Variants in RELCH observed in about 807,000 individuals in gnomAD.
RELCH encodes the protein RAB11 binding and LisH domain, coiled-coil and HEAT repeat containing, also known as RAB11-binding protein RELCH.
Under a neutral mutation model 150.3 loss-of-function variants are expected in RELCH, and 41 were observed. The observed-to-expected ratio is 0.27, with a 90% CI of 0.21 to 0.35. RELCH has a LOEUF of 0.35. Among genes scored for constraint, RELCH ranks in the 10% least tolerant of loss-of-function variants. RELCH has a pLI of 1.00. For missense variants in RELCH, 1,092 were observed against 1,467.8 expected, an observed-to-expected ratio of 0.74 and a Z score of 4.18; for synonymous variants, 478 against 531.8, an observed-to-expected ratio of 0.90 and a Z score of 1.39.
intron 11 of RELCH, chr18:62,245,839 T>C (rs1461945619): frequency 6.6e-6 from 1 of 152,156 alleles, no homozygotes; most frequent in East Asian, 1.9e-4. Context: ...CATCTACTAG[T>C]AATTGATGAT....
intron 27 of RELCH, among the ~76,000 whole-genome samples, chr18:62,296,528 G>A (rs1393229642): frequency 7.9e-5 from 12 of 152,106 alleles, no homozygotes; most frequent in Admixed American, 7.9e-4. Flanking sequence ...GGAGGTTGCA[G>A]TGAGCCAAGA....
At chr18:62,277,716 A>C (rs2044288149) in intron 22 of RELCH, 1 of 952,482 alleles carries the variant, frequency 1.0e-6, no homozygotes, top group Non-Finnish European at 1.3e-6. Context: ...GGACAAAAAG[A>C]GGGAACCCAA....
chr18:62,259,747 A>G (rs993236070), intron 15 of RELCH, among the ~76,000 whole-genome samples: 4 of 151,958 alleles, frequency 2.6e-5, no homozygotes, highest in Non-Finnish European at 5.9e-5. Context: ...ACTTCAAAGC[A>G]GTAGTAACCA....
intron 12 of RELCH, 122 bp from the exon 13 acceptor site, chr18:62,255,285 G>A: frequency 1.4e-6 from 1 of 734,432 alleles, no homozygotes; most frequent in Non-Finnish European, 2.4e-6. Flanking sequence ...GGGATTCCCA[G>A]AAGTGGAAAA....
chr18:62,295,094 T>TGA (rs2045339508), intron 27 of RELCH, among the ~76,000 whole-genome samples: 1 of 152,230 alleles, frequency 6.6e-6, no homozygotes, highest in Non-Finnish European at 1.5e-5. Flanking sequence ...TGACTGTTCA[T>TGA]GACCCTTACC....
rs2040851877 is a variant in RELCH, at chr18:62,221,242, C to T, written c.712C>T (p.Arg238Ter). The change falls in exon 4 of 29, where the codon CGA becomes TGA. Residue 238 changes from arginine to a stop codon, truncating the protein, a stop_gained. Transcript: ENST00000644646. LOFTEE classifies it high-confidence loss of function. Reference sequence around the variant, plus strand: ...AGAACATGAAGTTCCTTTACAGGAACGAAAAAATTACAAATCAAGTCCTGA... The same window carrying T: ...AGAACATGAAGTTCCTTTACAGGAATGAAAAAATTACAAATCAAGTCCTGA... Reference protein sequence around the residue: ...AAEHEVPLQERKNYKSSPEIQ... With the variant: ...AAEHEVPLQE The T allele has an allele frequency of 1.9e-6, 3 of 1,610,608 alleles. No homozygotes were observed. The highest frequency in any genetic ancestry group is 2.5e-6 in the Non-Finnish European group (3 of 1,177,764).
At chr18:62,265,681 G>C (rs2144738402) in intron 18 of RELCH, among the ~76,000 whole-genome samples, 1 of 152,022 alleles carries the variant, frequency 6.6e-6, no homozygotes, top group East Asian at 1.9e-4. Context: ...TTGGGTTATG[G>C]TCCTATTATC....
Position 62,221,423 on chromosome 18 carries a change from T to G in RELCH, c.784T>G (p.Leu262Val). 6.3e-7 allele frequency: 1 copy of G among 1,598,428 alleles called. No homozygotes were observed. The highest frequency in any genetic ancestry group is 8.5e-7 in the Non-Finnish European group (1 of 1,170,786). Residue 262 changes from leucine to valine, a missense_variant, in exon 5 of 29, where the codon TTA becomes GTA. This residue lies in a region of RELCH where 190 missense variants were observed against 276.2 expected (regional missense o/e 0.69). Transcript: ENST00000644646. ...TCTTGAAAAGAGAGCTCTAAACTTC[T>G]TAGTCAATGAATTTTTATTGAAGAA... ...KPLEKRALNFLVNEFLLKNNY... is the reference protein window; with the variant it reads ...KPLEKRALNFVVNEFLLKNNY...
At chr18:62,255,590 TAAAG>T in intron 13 of RELCH, 112 bp downstream of exon 13, 2 of 763,818 alleles carry the variant, frequency 2.6e-6, no homozygotes, top group African/African-American at 1.8e-5. Flanking sequence ...GCTGTCTTAA[TAAAG>T]AAAAGAGATG....
At chr18:62,245,453 A>G (rs571644824) in intron 11 of RELCH, among the ~76,000 whole-genome samples, 30 of 152,130 alleles carry the variant, frequency 2.0e-4, no homozygotes, top group Admixed American at 4.6e-4. Flanking sequence ...GTGAAACTCT[A>G]TCTCTTCTAA....
intron 16 of RELCH, among the ~76,000 whole-genome samples, chr18:62,263,332 T>C (rs190692546): frequency 2.6e-5 from 4 of 152,186 alleles, no homozygotes; most frequent in Admixed American, 2.6e-4. Flanking sequence ...GAACATATCC[T>C]TCTAATACTT....
chr18:62,205,960 A>G (rs1284087511), intron 1 of RELCH, among the ~76,000 whole-genome samples: 1 of 152,072 alleles, frequency 6.6e-6, no homozygotes, highest in Admixed American at 6.5e-5. Context: ...GGAAGTCGAG[A>G]CTGCAGTAAG....
chr18:62,254,303 G>A (rs967870728), intron 12 of RELCH, among the ~76,000 whole-genome samples: 1 of 152,004 alleles, frequency 6.6e-6, no homozygotes, highest in African/African-American at 2.4e-5. Flanking sequence ...TCCGAGTAGT[G>A]TACGTTTTGC....
At chr18:62,267,434 A>ATGTG (rs145946546) in intron 19 of RELCH, among the ~76,000 whole-genome samples, 7,110 of 143,406 alleles carry the variant, frequency 0.05, 265 homozygotes, top group South Asian at 0.097. Context: ...GTATATATGT[A>ATGTG]TGTGTGTGTG....
chr18:62,225,117 C>CT (rs1414865978), intron 5 of RELCH, among the ~76,000 whole-genome samples: 1 of 151,638 alleles, frequency 6.6e-6, no homozygotes, highest in East Asian at 1.9e-4. Context: ...AAAGGGTAGT[C>CT]TTTTTTTTAC....
chr18:62,209,675 G>C (rs921131938), intron 1 of RELCH, among the ~76,000 whole-genome samples: 1 of 146,408 alleles, frequency 6.8e-6, no homozygotes, highest in African/African-American at 2.5e-5. Flanking sequence ...CTAGAATTTT[G>C]ATAGGAATTG....
At position 62,188,010 on chromosome 18, in the gene RELCH, G is replaced by A. The variant is rs769449781; in HGVS notation, c.505G>A (p.Ala169Thr). The A allele has an allele frequency of 6.3e-7, 1 of 1,583,330 alleles. No homozygotes were observed. The highest frequency in any genetic ancestry group is 1.3e-5 in the African/African-American group (1 of 74,460). Reference protein sequence around the residue: ...GGAGGREPSTASGGGQLNRAG... With the variant: ...GGAGGREPSTTSGGGQLNRAG... Reference sequence around the variant, plus strand: ...CGCTGGAGGTCGGGAACCGAGTACAGCGTCGGGCGGGGGACAGCTCAGTAA... The same window carrying A: ...CGCTGGAGGTCGGGAACCGAGTACAACGTCGGGCGGGGGACAGCTCAGTAA... Residue 169 changes from alanine (A) to threonine (T), a missense_variant, in exon 1 of 29, where the codon GCG becomes ACG. This residue lies in a region of RELCH where 190 missense variants were observed against 276.2 expected (regional missense o/e 0.69). Coordinates refer to ENST00000644646, the MANE Select transcript of RELCH (RefSeq NM_001346231.2).
rs532860694 is a variant in RELCH, at chr18:62,237,708, G to A, written c.1620+5281G>A. 3.8e-3 allele frequency among the ~76,000 whole-genome samples: 569 copies of A among 151,400 alleles called. 3 individuals carry two copies. Among genetic ancestry groups the A allele is most frequent in the Non-Finnish European group, 6.1e-3 (415 of 67,626 alleles). On this transcript the variant is annotated intron_variant, in intron 10 of 28. Coordinates refer to ENST00000644646, the MANE Select transcript of RELCH (RefSeq NM_001346231.2). ...AGTAAAGACAAGCAATACCAAACAT[G>A]ATTTTATAAATATTTTGGAAAAATA...
intron 10 of RELCH, among the ~76,000 whole-genome samples, chr18:62,234,320 GTT>G (rs201092211): frequency 1.4e-5 from 2 of 144,646 alleles, no homozygotes; most frequent in Non-Finnish European, 1.5e-5. Context: ...TGTTTTTTGG[GTT>G]TTTTTTTTTA....
Sources: allele counts gnomAD v4.1 joint callset (sites outside exome capture counted in the v4.1 genomes callset), GRCh38; gene constraint gnomAD v4.1.1; regional missense constraint gnomAD v4.1.1; transcripts MANE v1.5; gene names NCBI Gene and HGNC (gene_info 2026-07-23, HGNC 2026-07-21).